BNIP1: variants seen among roughly 807,000 people sequenced by gnomAD.
The protein encoded by BNIP1 is vesicle transport protein SEC20.
In BNIP1, 25 loss-of-function variants were observed where a neutral mutation model predicts 28.5. The ratio of observed to expected loss-of-function variants is 0.88; its 90% CI spans 0.64 to 1.23. The LOEUF (loss-of-function observed/expected upper bound fraction) is 1.23. BNIP1 is among the 50% of genes most tolerant of loss of function. The probability of loss-of-function intolerance (pLI) is 0.00; values close to 1 mark genes in which losing one functional copy is unlikely to be tolerated. For synonymous variants in BNIP1, 118 were observed against 101.7 expected (o/e 1.16, Z -0.96); for missense variants, 276 against 277.0 (o/e 1.00, Z 0.02).
At chr5:173,154,129 T>C (rs1448725875) in intron 2 of BNIP1, among the ~76,000 whole-genome samples, 193 bp from the exon 3 acceptor site, 1 of 152,180 alleles carries the variant, frequency 6.6e-6, no homozygotes, top group Non-Finnish European at 1.5e-5. Flanking sequence ...CATAGGGGTT[T>C]TCCTTACTTC....
chr5:173,151,738 A>G lies in BNIP1; in HGVS notation c.178-2584A>G, dbSNP rs376900637. 14 of 1,609,440 alleles carry G rather than the reference A, an allele frequency of 8.7e-6. No individual in the cohort carries two copies. In the African/African-American group the frequency reaches 1.7e-4, roughly 20 times the overall value. Reference sequence around the variant, plus strand: ...TTTTTAAACATCTGGGTGCCCACCCAGTGTTTATTTCCTTCACTCATTAAA... The same window carrying G: ...TTTTTAAACATCTGGGTGCCCACCCGGTGTTTATTTCCTTCACTCATTAAA... On this transcript the variant is annotated intron_variant, in intron 2 of 5. Coordinates refer to ENST00000351486, the MANE Select transcript of BNIP1 (RefSeq NM_001205.3).
At chr5:173,146,831 T>C in intron 1 of BNIP1, 35 bp from the exon 2 acceptor site, 1 of 1,524,886 alleles carries the variant, frequency 6.6e-7, no homozygotes, top group Non-Finnish European at 9.1e-7. Flanking sequence ...TTCATTGCCT[T>C]GAGAAAGGCC....
intron 3 of BNIP1, among the ~76,000 whole-genome samples, chr5:173,155,790 C>T (rs1397813894): frequency 6.6e-6 from 1 of 152,158 alleles, no homozygotes; most frequent in Non-Finnish European, 1.5e-5. Flanking sequence ...TCATAGCTTA[C>T]TGCAGCCTCA....
chr5:173,148,700 C>A (rs5745116), intron 2 of BNIP1, among the ~76,000 whole-genome samples: 1 of 151,872 alleles, frequency 6.6e-6, no homozygotes, highest in African/African-American at 2.4e-5. Context: ...ACATTCCTGC[C>A]GGCTCCTCTT....
chr5:173,148,109 T>A lies in BNIP1; in HGVS notation c.177+1151T>A, dbSNP rs868449428. Among the ~76,000 whole-genome samples, 436 of 72,774 alleles carry A rather than the reference T, an allele frequency of 6.0e-3. 42 individuals are homozygous for A. The highest frequency in any genetic ancestry group is 0.022 in the African/African-American group (360 of 16,576). The allele number at this position is 72,774 out of a possible 152,430, so 47.7% of individuals were successfully genotyped here. On this transcript the variant is annotated intron_variant, in intron 2 of 5. Transcript: ENST00000351486. ...ATATATATATATATATATATATATA[T>A]ATATATATATATATATATATATATA...
chr5:173,154,273 C>A (rs1430283186), intron 2 of BNIP1, 49 bp from the exon 3 acceptor site: 5 of 1,554,370 alleles, frequency 3.2e-6, no homozygotes, highest in Non-Finnish European at 4.4e-6. Flanking sequence ...CTTCTGCTTT[C>A]ATGTTGACTT....
At chr5:173,148,081 AAAATATATATATATATATAT>A (rs1759903499) in intron 2 of BNIP1, among the ~76,000 whole-genome samples, 1 of 51,698 alleles carries the variant, frequency 1.9e-5, no homozygotes, top group African/African-American at 9.9e-5. Flanking sequence ...AAAAAAAAAA[AAAATATATATATATATATAT>A]ATATATATAT....
At position 173,154,312 on chromosome 5, in the gene BNIP1, T is replaced by G; in HGVS notation, c.178-10T>G. 1 of 1,607,640 alleles carries G rather than the reference T, an allele frequency of 6.2e-7. No homozygotes were observed. The highest frequency in any genetic ancestry group is 1.1e-5 in the South Asian group (1 of 89,934). On this transcript the variant is annotated splice_polypyrimidine_tract_variant and intron_variant, in intron 2 of 5. Coordinates refer to ENST00000351486, the MANE Select transcript of BNIP1 (RefSeq NM_001205.3). ...AAATCATTTTAACATGGAATTATTTTTCCTCAAAGGACCTGGAGCAGTTGG... is the reference window on the plus strand; with the variant it reads ...AAATCATTTTAACATGGAATTATTTGTCCTCAAAGGACCTGGAGCAGTTGG...
At chr5:173,148,347 G>A (rs1421719127) in intron 2 of BNIP1, among the ~76,000 whole-genome samples, 1 of 151,696 alleles carries the variant, frequency 6.6e-6, no homozygotes, top group African/African-American at 2.4e-5. Flanking sequence ...AAGACCACTT[G>A]TGGGTCTGGG....
At position 173,160,342 on chromosome 5, in the gene BNIP1, C is replaced by A. The variant is rs539414525; in HGVS notation, c.490+291C>A. ...CTCTGCCTCCTGGTTTCAAGCGATT[C>A]TCCTGCCTTAGCCTCCCAAGTAGCT... On this transcript the variant is annotated intron_variant, in intron 5 of 5. Coordinates refer to ENST00000351486, the MANE Select transcript of BNIP1 (RefSeq NM_001205.3). Among the ~76,000 whole-genome samples the A allele has an allele frequency of 5.9e-5, 9 of 151,914 alleles. No individual in the cohort carries two copies. The South Asian group carries it at 1.9e-3, about 32-fold the overall frequency.
intron 1 of BNIP1, 119 bp downstream of exon 1, chr5:173,144,748 C>A: frequency 9.6e-7 from 1 of 1,042,882 alleles, no homozygotes; most frequent in South Asian, 1.5e-5. Context: ...CCACAGGCTC[C>A]GCCCCATGGT....
chr5:173,146,814 A>G, intron 1 of BNIP1, 52 bp from the exon 2 acceptor site: 1 of 1,359,884 alleles, frequency 7.4e-7, no homozygotes. Context: ...GGATGGTGTC[A>G]TTTCATTTCA....
chr5:173,152,243 T>C (rs1026299591), intron 2 of BNIP1, among the ~76,000 whole-genome samples: 1 of 152,206 alleles, frequency 6.6e-6, no homozygotes, highest in Non-Finnish European at 1.5e-5. Flanking sequence ...GCTTTTCCCA[T>C]GCGTTCATTC....
intron 3 of BNIP1, among the ~76,000 whole-genome samples, chr5:173,156,200 G>A (rs1760181012): frequency 6.6e-6 from 1 of 151,988 alleles, no homozygotes. Context: ...GAGCCACCAA[G>A]CCTACTCAGA....
rs552503702 is a variant in BNIP1 at position 173,144,931 on chromosome 5, G to T, written c.84+302G>T. 9.4e-5 allele frequency: 29 copies of T among 308,352 alleles called. No homozygotes were observed. In the Admixed American group the frequency reaches 1.4e-3, roughly 14 times the overall value. The allele number at this position is 308,352 out of a possible 1,614,324, so 19.1% of individuals were successfully genotyped here. On this transcript the variant is annotated intron_variant, in intron 1 of 5. Coordinates refer to ENST00000351486, the MANE Select transcript of BNIP1 (RefSeq NM_001205.3). ...CCTTCCACCTGCAGCCCTGGTCGTC[G>T]CCCCGCCCCTGACTACCTCACAACC...
At chr5:173,152,495 G>A (rs1009315885) in intron 2 of BNIP1, among the ~76,000 whole-genome samples, 6 of 151,934 alleles carry the variant, frequency 3.9e-5, no homozygotes, top group African/African-American at 2.4e-5. Context: ...GATTACAGGC[G>A]CCCGCCACCA....
intron 3 of BNIP1, 119 bp downstream of exon 3, chr5:173,154,532 T>A: frequency 2.5e-6 from 2 of 787,460 alleles, no homozygotes; most frequent in Non-Finnish European, 4.0e-6. Context: ...GTCTTTTTTT[T>A]TTTTTTGAGA....
chr5:173,153,197 C>T (rs1207760687), intron 2 of BNIP1, among the ~76,000 whole-genome samples: 4 of 151,694 alleles, frequency 2.6e-5, no homozygotes, highest in South Asian at 2.1e-4. Flanking sequence ...ATTAGCTTCC[C>T]GCCAGGTCTC....
At chr5:173,160,962 C>A in intron 5 of BNIP1, 2 of 411,116 alleles carry the variant, frequency 4.9e-6, no homozygotes, top group Admixed American at 3.2e-5. Flanking sequence ...CAGTATAAGA[C>A]AACAGAAAAA....
Sources: gnomAD v4.1 joint callset for allele counts (sites outside exome capture counted in the v4.1 genomes callset) on GRCh38, gnomAD v4.1.1 for gene constraint, MANE v1.5 for transcripts, NCBI Gene and HGNC (gene_info 2026-07-23, HGNC 2026-07-21) for gene names.